The following CNTN6 variants were observed in gnomAD, a reference collection of about 807,000 sequenced individuals.
CNTN6 encodes contactin 6.
Under a neutral mutation model 122.8 loss-of-function variants are expected in CNTN6, and 137 were observed. That is an observed-to-expected ratio of 1.12 (90% CI 0.97 to 1.29). The LOEUF (loss-of-function observed/expected upper bound fraction) is 1.29. CNTN6 is among the 50% of genes most tolerant of loss of function. The probability of loss-of-function intolerance (pLI) is 0.00; values close to 1 mark genes in which losing one functional copy is unlikely to be tolerated. For missense variants in CNTN6, 1,634 were observed against 1,223.4 expected, an observed-to-expected ratio of 1.34 and a Z score of -5.01; for synonymous variants, 570 against 426.0, an observed-to-expected ratio of 1.34 and a Z score of -4.16.
chr3:1,287,361 T>A (rs1276720442), intron 5 of CNTN6, among the ~76,000 whole-genome samples: 2 of 152,150 alleles, frequency 1.3e-5, no homozygotes, highest in East Asian at 3.9e-4. Flanking sequence ...CTCCAGATAT[T>A]GCCAGATAAC....
chr3:1,181,312 A>G (rs1482143201), intron 2 of CNTN6, among the ~76,000 whole-genome samples: 1 of 152,184 alleles, frequency 6.6e-6, no homozygotes, highest in Non-Finnish European at 1.5e-5. Flanking sequence ...TGAAGGGGGA[A>G]AAATCCTGAG....
chr3:1,148,837 G>A (rs902006480), intron 2 of CNTN6, among the ~76,000 whole-genome samples: 1 of 152,132 alleles, frequency 6.6e-6, no homozygotes, highest in Non-Finnish European at 1.5e-5. Context: ...GACTAGTCTA[G>A]AACATTCGTA....
chr3:1,168,255 C>T (rs938188965), intron 2 of CNTN6, among the ~76,000 whole-genome samples: 7 of 151,230 alleles, frequency 4.6e-5, no homozygotes, highest in Non-Finnish European at 1.0e-4. Flanking sequence ...CTCCAGAAGC[C>T]GACTTTCAGA....
chr3:1,384,484 GGC>G (rs1280530831), intron 19 of CNTN6, among the ~76,000 whole-genome samples: 1 of 151,692 alleles, frequency 6.6e-6, no homozygotes, highest in Non-Finnish European at 1.5e-5. Context: ...TGAAGAATAA[GGC>G]AAATTACATT....
At chr3:1,245,608 G>A (rs770231959) in intron 4 of CNTN6, among the ~76,000 whole-genome samples, 2 of 150,542 alleles carry the variant, frequency 1.3e-5, no homozygotes, top group African/African-American at 2.4e-5. Flanking sequence ...TGACGGGTAC[G>A]CCAAAATCTC....
intron 2 of CNTN6, among the ~76,000 whole-genome samples, chr3:1,208,064 C>T (rs2093982067): frequency 6.6e-6 from 1 of 152,114 alleles, no homozygotes; most frequent in East Asian, 1.9e-4. Flanking sequence ...TTCCTACTGA[C>T]AATGCCCAAT....
At chr3:1,222,705 T>C (rs1421363314) in intron 3 of CNTN6, among the ~76,000 whole-genome samples, 2 of 150,706 alleles carry the variant, frequency 1.3e-5, no homozygotes, top group Non-Finnish European at 3.0e-5. Flanking sequence ...GCTCATTTCT[T>C]TTTTTTTTAA....
At chr3:1,346,655 G>A (rs1026469039) in intron 11 of CNTN6, among the ~76,000 whole-genome samples, 21 of 152,218 alleles carry the variant, frequency 1.4e-4, no homozygotes, top group African/African-American at 4.6e-4. Context: ...AGAATCATGA[G>A]CCAAATAAAC....
chr3:1,158,899 T>TACACATATATAC (rs2093052387), intron 2 of CNTN6, among the ~76,000 whole-genome samples: 1 of 129,848 alleles, frequency 7.7e-6, no homozygotes, highest in Non-Finnish European at 1.6e-5. Context: ...CACATATATA[T>TACACATATATAC]ACACATATAT....
intron 19 of CNTN6, among the ~76,000 whole-genome samples, chr3:1,384,421 T>TAAGTA (rs1021371872): frequency 1.3e-5 from 2 of 151,978 alleles, no homozygotes; most frequent in Non-Finnish European, 2.9e-5. Flanking sequence ...AAAAGGCAGT[T>TAAGTA]AAGTAATGAA....
intron 7 of CNTN6, among the ~76,000 whole-genome samples, chr3:1,305,179 C>G (rs889443353): frequency 2.0e-5 from 3 of 152,106 alleles, no homozygotes; most frequent in African/African-American, 7.2e-5. Context: ...ACTCAGAAAA[C>G]ATAGCTTCTG....
intron 4 of CNTN6, among the ~76,000 whole-genome samples, chr3:1,242,209 A>G (rs570035486): frequency 2.6e-5 from 4 of 152,230 alleles, no homozygotes; most frequent in East Asian, 1.9e-4. Context: ...TGCTGAGCCT[A>G]ATGGGTGTCA....
intron 11 of CNTN6, among the ~76,000 whole-genome samples, chr3:1,339,659 G>A (rs13091624): frequency 0.024 from 3,667 of 152,142 alleles, 67 homozygotes; most frequent in Non-Finnish European, 0.037. Flanking sequence ...GGCTTATTAC[G>A]AGACTGTCTT....
intron 5 of CNTN6, among the ~76,000 whole-genome samples, chr3:1,284,727 A>G (rs1178540971): frequency 7.9e-5 from 12 of 152,226 alleles, no homozygotes; most frequent in African/African-American, 2.4e-4. Flanking sequence ...TTGCTATTGT[A>G]TATTCTAAGG....
chr3:1,108,027 T>C (rs1247001784), intron 1 of CNTN6, among the ~76,000 whole-genome samples: 2 of 152,090 alleles, frequency 1.3e-5, no homozygotes, highest in Non-Finnish European at 2.9e-5. Flanking sequence ...GTCAGTGTTA[T>C]GCAGAAAATT....
chr3:1,373,626 T>A lies in CNTN6; in HGVS notation c.1809T>A (p.Asp603Glu), dbSNP rs1374175669. 2 of 1,612,328 alleles carry A rather than the reference T, an allele frequency of 1.2e-6. No individual in the cohort carries two copies. Among genetic ancestry groups the A allele is most frequent in the Non-Finnish European group, 1.7e-6 (2 of 1,179,118 alleles). The change falls in exon 15 of 23, where the codon GAT becomes GAA. Residue 603 changes from aspartate to glutamate, a missense_variant. Transcript: ENST00000446702. Reference sequence around the variant, plus strand: ...AAGGTCCACCAGGTCCTCCTGAGGATGTGCAAGTGGAAGACATTTCCAGTA... The same window carrying A: ...AAGGTCCACCAGGTCCTCCTGAGGAAGTGCAAGTGGAAGACATTTCCAGTA... ...IVRGPPGPPE[D>E]VQVEDISSTT...
chr3:1,297,630 G>C (rs75030476), intron 6 of CNTN6, among the ~76,000 whole-genome samples: 2,096 of 128,362 alleles, frequency 0.016, 63 homozygotes, highest in African/African-American at 0.061. Flanking sequence ...CGTTGTTGTT[G>C]TTTTTTTCTT....
chr3:1,222,882 G>A (rs939482801), intron 3 of CNTN6, among the ~76,000 whole-genome samples: 2 of 152,024 alleles, frequency 1.3e-5, no homozygotes, highest in African/African-American at 4.8e-5. Flanking sequence ...GCAGGCCCCA[G>A]TCGTTGTTCC....
chr3:1,108,978 G>T (rs191319448), intron 1 of CNTN6, among the ~76,000 whole-genome samples: 1 of 151,972 alleles, frequency 6.6e-6, no homozygotes, highest in Non-Finnish European at 1.5e-5. Flanking sequence ...AGTAAAGTAA[G>T]TCAAAAGTCC....
Sources: gnomAD v4.1 joint callset for allele counts (sites outside exome capture counted in the v4.1 genomes callset) on GRCh38, gnomAD v4.1.1 for gene constraint, MANE v1.5 for transcripts, NCBI Gene and HGNC (gene_info 2026-07-23, HGNC 2026-07-21) for gene names.